Variants in FUT9 observed in about 807,000 individuals in gnomAD.
FUT9 encodes 4-galactosyl-N-acetylglucosaminide 3-alpha-L-fucosyltransferase 9.
A neutral mutation model predicts 29.7 loss-of-function variants in FUT9; 15 were observed. The observed-to-expected ratio is 0.51, with a 90% CI of 0.34 to 0.78. The LOEUF is 0.78. FUT9 is among the 30% of genes least tolerant of loss of function. The probability of loss-of-function intolerance (pLI) is 0.01; values close to 1 mark genes in which losing one functional copy is unlikely to be tolerated. For missense variants in FUT9, 319 were observed against 425.4 expected (o/e 0.75, Z 2.20); for synonymous variants, 169 against 153.7 (o/e 1.10, Z -0.74).
At chr6:96,123,509 T>C (rs989197767) in intron 2 of FUT9, among the ~76,000 whole-genome samples, 18 of 152,204 alleles carry the variant, frequency 1.2e-4, no homozygotes, top group Non-Finnish European at 2.4e-4. Context: ...AGAATTCCTT[T>C]GATTAATCAA....
chr6:96,151,932 A>G (rs1214383240), intron 2 of FUT9, among the ~76,000 whole-genome samples: 1 of 152,188 alleles, frequency 6.6e-6, no homozygotes, highest in African/African-American at 2.4e-5. Context: ...TTGAAGAAAT[A>G]CCAGGAAGGA....
chr6:96,184,104 T>C (rs1773361136), intron 2 of FUT9, among the ~76,000 whole-genome samples: 1 of 151,900 alleles, frequency 6.6e-6, no homozygotes, highest in Non-Finnish European at 1.5e-5. Context: ...TAATTTTTTA[T>C]TATTACCATT....
At chr6:96,125,453 A>C (rs1447586755) in intron 2 of FUT9, among the ~76,000 whole-genome samples, 1 of 152,258 alleles carries the variant, frequency 6.6e-6, no homozygotes, top group East Asian at 1.9e-4. Flanking sequence ...AATCATTATA[A>C]TAACAATAAC....
At chr6:96,127,768 T>C (rs780755776) in intron 2 of FUT9, among the ~76,000 whole-genome samples, 1 of 152,194 alleles carries the variant, frequency 6.6e-6, no homozygotes, top group Non-Finnish European at 1.5e-5. Flanking sequence ...TTAATTTGCA[T>C]TTCTCTAATG....
At chr6:96,123,919 C>T (rs899064419) in intron 2 of FUT9, among the ~76,000 whole-genome samples, 7 of 151,656 alleles carry the variant, frequency 4.6e-5, no homozygotes, top group Non-Finnish European at 8.8e-5. Flanking sequence ...TTGAGAAATA[C>T]TGTGTCAGTA....
chr6:96,055,731 G>C (rs1318622081), intron 1 of FUT9, among the ~76,000 whole-genome samples: 2 of 143,312 alleles, frequency 1.4e-5, no homozygotes, highest in Non-Finnish European at 3.0e-5. Flanking sequence ...TTTTCCTAGA[G>C]ATAGGGTTCT....
chr6:96,035,939 AATACATTAT>A lies in FUT9; in HGVS notation c.-98+19728_-98+19736del, dbSNP rs1216696430. ...TATGTTTATTATATTAATATAATAT[AATACATTAT>A]GTTTATTATATTAATATAATATAAT... On this transcript the variant is annotated intron_variant, in intron 1 of 2. Transcript: ENST00000302103. Among the ~76,000 whole-genome samples the A allele has an allele frequency of 3.7e-5, 2 of 54,228 alleles. 1 individual carries two copies. The highest frequency in any genetic ancestry group is 1.4e-4 in the African/African-American group (2 of 14,366). 35.6% of individuals were successfully genotyped at this position (54,228 alleles called of 152,430 possible). A position where few individuals can be genotyped will look rare whatever the true frequency, so the allele number is the denominator to read the frequency against.
chr6:96,138,116 A>C (rs1772391429), intron 2 of FUT9, among the ~76,000 whole-genome samples: 1 of 152,188 alleles, frequency 6.6e-6, no homozygotes, highest in South Asian at 2.1e-4. Context: ...TTCAGTGACA[A>C]GCTACTAAAA....
intron 1 of FUT9, among the ~76,000 whole-genome samples, chr6:96,082,357 A>C (rs1211531658): frequency 1.3e-5 from 2 of 151,180 alleles, no homozygotes; most frequent in Non-Finnish European, 3.0e-5. Flanking sequence ...ATTTACTTTC[A>C]CTTTTTTTTT....
intron 1 of FUT9, among the ~76,000 whole-genome samples, chr6:96,096,761 T>C (rs1025785218): frequency 1.3e-5 from 2 of 151,410 alleles, no homozygotes; most frequent in African/African-American, 4.9e-5. Context: ...CTTTGCCTAC[T>C]CTATTGAAAA....
At chr6:96,155,600 G>C (rs908423321) in intron 2 of FUT9, among the ~76,000 whole-genome samples, 5 of 151,842 alleles carry the variant, frequency 3.3e-5, no homozygotes, top group Admixed American at 3.3e-4. Context: ...GTGAACCTGG[G>C]AGGCGGAGCT....
At chr6:96,104,918 A>G (rs1045451519) in intron 1 of FUT9, among the ~76,000 whole-genome samples, 7 of 152,164 alleles carry the variant, frequency 4.6e-5, no homozygotes, top group African/African-American at 1.4e-4. Context: ...TATTTTTTCC[A>G]AAATACATTC....
rs1773993003 is a variant in FUT9 at position 96,214,175 on chromosome 6, A to G, written c.*9940A>G. 6.0e-6 allele frequency: 1 copy of G among 166,926 alleles called. No individual in the cohort carries two copies. The allele number at this position is 166,926 out of a possible 1,614,324, so 10.3% of individuals were successfully genotyped here. On this transcript the variant is annotated 3_prime_UTR_variant, in exon 3 of 3. Coordinates refer to ENST00000302103, the MANE Select transcript of FUT9 (RefSeq NM_006581.4). ...AAATACAACAAATTATTTGTTGGCA[A>G]GTGATACAATTTACTGTATAACAAC...
intron 2 of FUT9, among the ~76,000 whole-genome samples, chr6:96,139,666 A>G (rs1772425067): frequency 1.3e-5 from 2 of 152,118 alleles, no homozygotes; most frequent in Admixed American, 6.5e-5. Flanking sequence ...CCAACCCTCA[A>G]TTCTTGACTT....
At chr6:96,148,915 GA>G (rs1772624687) in intron 2 of FUT9, among the ~76,000 whole-genome samples, 1 of 152,138 alleles carries the variant, frequency 6.6e-6, no homozygotes, top group South Asian at 2.1e-4. Flanking sequence ...AGCACTTTGG[GA>G]GGCAGAGGTG....
intron 2 of FUT9, among the ~76,000 whole-genome samples, chr6:96,165,528 A>G (rs1464332714): frequency 6.6e-6 from 1 of 152,088 alleles, no homozygotes; most frequent in Non-Finnish European, 1.5e-5. Flanking sequence ...GGTTAAAAAA[A>G]AAAAAAAGAC....
intron 1 of FUT9, among the ~76,000 whole-genome samples, chr6:96,035,684 A>C (rs1562102880): frequency 7.2e-6 from 1 of 138,926 alleles, no homozygotes; most frequent in Admixed American, 7.6e-5. Flanking sequence ...ATATAATATT[A>C]TATTTATTAT....
intron 1 of FUT9, among the ~76,000 whole-genome samples, chr6:96,038,031 G>C (rs1050072762): frequency 1.4e-4 from 21 of 152,116 alleles, no homozygotes; most frequent in African/African-American, 5.1e-4. Flanking sequence ...GCAGGTGTGT[G>C]GTGCCTTGAA....
intron 1 of FUT9, among the ~76,000 whole-genome samples, chr6:96,082,688 T>C (rs1254692595): frequency 6.6e-6 from 1 of 151,980 alleles, no homozygotes. Flanking sequence ...TTCAATTTTC[T>C]TAAAATCTTT....
Sources: allele counts gnomAD v4.1 joint callset (sites outside exome capture counted in the v4.1 genomes callset), GRCh38; gene constraint gnomAD v4.1.1; transcripts MANE v1.5; gene names NCBI Gene and HGNC (gene_info 2026-07-23, HGNC 2026-07-21).